The following COL1A2 variants were observed in gnomAD, a reference collection of about 807,000 sequenced individuals.
COL1A2 encodes the protein collagen type I alpha 2 chain.
In COL1A2, 49 loss-of-function variants were observed where a neutral mutation model predicts 174.3. The ratio of observed to expected loss-of-function variants is 0.28; its 90% confidence interval spans 0.22 to 0.36. The LOEUF (loss-of-function observed/expected upper bound fraction) is 0.36. Among genes scored for constraint, COL1A2 ranks in the 10% least tolerant of loss-of-function variants. COL1A2 has a pLI of 1.00. For missense variants in COL1A2, 1,438 were observed against 1,822.7 expected, an observed-to-expected ratio of 0.79 and a Z score of 3.84; for synonymous variants, 655 against 606.6, an observed-to-expected ratio of 1.08 and a Z score of -1.17.
At position 94,428,297 on chromosome 7, in the gene COL1A2, C is replaced by T. The variant is rs1240152209; in HGVS notation, c.3531C>T (p.Tyr1177=). 20 of 1,612,230 alleles carry T rather than the reference C, an allele frequency of 1.2e-5. No homozygotes were observed. The Admixed American group carries it at 3.2e-4, about 26-fold the overall frequency. ...RLSHPEWSSG[Y]YWIDPNQGCT... ...TGAATGTTATTTTCTTAAAAGGTTACTACTGGATTGACCCTAACCAAGGAT... is the reference window on the plus strand; with the variant it reads ...TGAATGTTATTTTCTTAAAAGGTTATTACTGGATTGACCCTAACCAAGGAT... The change falls in exon 50 of 52, where the codon TAC becomes TAT. Residue 1177 remains tyrosine, a synonymous_variant. Transcript: ENST00000297268.
chr7:94,408,665 TA>T, intron 15 of COL1A2, 104 bp from the exon 16 acceptor site: 1 of 1,238,632 alleles, frequency 8.1e-7, no homozygotes, highest in African/African-American at 1.5e-5. Context: ...TTTACTAATA[TA>T]AACAGTGTCA....
rs1801182 is a variant in COL1A2 at position 94,398,387 on chromosome 7, T to C, written c.87T>C (p.Thr29=). 37,434 of 941,242 alleles carry C rather than the reference T, an allele frequency of 0.04. 4,186 individuals are homozygous for C. The highest frequency in any genetic ancestry group is 0.31 in the African/African-American group (17,615 of 56,416). 58.3% of individuals were successfully genotyped at this position (941,242 alleles called of 1,614,324 possible). ...LATCQSLQEE[T]VRKGPAGDRG... The stretch of plus-strand genomic sequence containing the variant: ...TTTGATTTATTCTTTTCTAGGAAAC[T>C]GTAAGAAAGGTAAGAGTACACTACT... Residue 29 remains threonine (T), a synonymous_variant, in exon 3 of 52, where the codon ACT becomes ACC. Coordinates refer to ENST00000297268, the MANE Select transcript of COL1A2 (RefSeq NM_000089.4).
rs41316908 is a variant in COL1A2 at position 94,405,529 on chromosome 7, A to G, written c.487-144A>G. 2,471 of 828,874 alleles carry G rather than the reference A, an allele frequency of 3.0e-3. 43 individuals carry two copies. The African/African-American group carries it at 0.035, about 12-fold the overall frequency. 51.3% of individuals were successfully genotyped at this position (828,874 alleles called of 1,614,324 possible). A position where few individuals can be genotyped will look rare whatever the true frequency, so the allele number is the denominator to read the frequency against. On this transcript the variant is annotated intron_variant, in intron 10 of 51. Transcript: ENST00000297268. Reference sequence around the variant, plus strand: ...TAGTTACTCACATTAGAGCAAGTTAATTTGTCACTCTGTGCTTAGAGGTAT... The same window carrying G: ...TAGTTACTCACATTAGAGCAAGTTAGTTTGTCACTCTGTGCTTAGAGGTAT...
At position 94,416,407 on chromosome 7, in the gene COL1A2, G is replaced by A. The variant is rs1169383829; in HGVS notation, c.1767G>A (p.Gly589=). The change falls in exon 31 of 52, where the codon GGG becomes GGA. Residue 589 remains glycine, a splice_region_variant and synonymous_variant. Coordinates refer to ENST00000297268, the MANE Select transcript of COL1A2 (RefSeq NM_000089.4). ...CTTCTTCTAATCACTTTTTTCAGGG[G>A]GAACGCGGTCCCCCAGGTGAGAGTG... ...FGLPGPAGPR[G]ERGPPGESGA... 3 of 1,569,886 alleles carry A rather than the reference G, an allele frequency of 1.9e-6. No individual in the cohort carries two copies. Among genetic ancestry groups the A allele is most frequent in the East Asian group, 2.4e-5 (1 of 42,512 alleles).
intron 4 of COL1A2, 151 bp from the exon 5 acceptor site, chr7:94,400,045 T>C (rs1791657622): frequency 1.2e-6 from 1 of 802,030 alleles, no homozygotes; most frequent in African/African-American, 1.7e-5. Context: ...AATAGACTCA[T>C]AAGTGAATTT....
intron 31 of COL1A2, 151 bp downstream of exon 31, chr7:94,416,654 A>G (rs1199876612): frequency 6.1e-6 from 4 of 655,954 alleles, no homozygotes; most frequent in Non-Finnish European, 1.1e-5. Context: ...ATCCGATTCC[A>G]GTGGACCTGA....
At position 94,397,620 on chromosome 7, in the gene COL1A2, A is replaced by G. The variant is rs1791608894; in HGVS notation, c.71-128A>G. The stretch of plus-strand genomic sequence containing the variant: ...CTAGGTCATTAAAATATTCTTAAAA[A>G]AATATAATTGGTCCTTAATTAGGTA... On this transcript the variant is annotated intron_variant, in intron 1 of 51. Transcript: ENST00000297268. 16 of 563,934 alleles carry G rather than the reference A, an allele frequency of 2.8e-5. No homozygotes were observed. The South Asian group carries it at 3.5e-4, about 12-fold the overall frequency. 34.9% of individuals were successfully genotyped at this position (563,934 alleles called of 1,614,324 possible).
chr7:94,420,215 T>G lies in COL1A2; in HGVS notation c.2080-18T>G. Reference sequence around the variant, plus strand: ...TATGTCAGGCACATTAACAGATTCATCTTTGGTCCCATTATAGGGCGAAGC... The same window carrying G: ...TATGTCAGGCACATTAACAGATTCAGCTTTGGTCCCATTATAGGGCGAAGC... On this transcript the variant is annotated intron_variant, in intron 34 of 51. Transcript: ENST00000297268. 2.5e-6 allele frequency: 4 copies of G among 1,613,002 alleles called. No individual in the cohort carries two copies. Among genetic ancestry groups the G allele is most frequent in the Non-Finnish European group, 3.4e-6 (4 of 1,180,028 alleles).
rs765030949 is a variant in COL1A2, at chr7:94,398,367, T to C, written c.82-15T>C. The C allele has an allele frequency of 1.1e-6, 1 of 895,276 alleles. No homozygotes were observed. The highest frequency in any genetic ancestry group is 1.6e-6 in the Non-Finnish European group (1 of 610,080). 55.5% of individuals were successfully genotyped at this position (895,276 alleles called of 1,614,324 possible). ...CAATTTTCTTCATAATAATCTTTGATTTATTCTTTTCTAGGAAACTGTAAG... is the reference window on the plus strand; with the variant it reads ...CAATTTTCTTCATAATAATCTTTGACTTATTCTTTTCTAGGAAACTGTAAG... On this transcript the variant is annotated splice_polypyrimidine_tract_variant and intron_variant, in intron 2 of 51. Coordinates refer to ENST00000297268, the MANE Select transcript of COL1A2 (RefSeq NM_000089.4).
intron 1 of COL1A2, chr7:94,395,733 G>A (rs566189372): frequency 1.2e-4 from 19 of 158,692 alleles, no homozygotes; most frequent in African/African-American, 4.6e-4. Context: ...AGCATTTCTG[G>A]TTGGAGCCTT....
At chr7:94,426,555 A>G in intron 46 of COL1A2, 25 bp downstream of exon 46, 2 of 1,548,364 alleles carry the variant, frequency 1.3e-6, no homozygotes, top group Non-Finnish European at 8.8e-7. Context: ...GCCATCTCGC[A>G]CATAAACTGA....
chr7:94,428,583 A>C (rs1792335638), intron 50 of COL1A2, 106 bp downstream of exon 50: 1 of 1,103,166 alleles, frequency 9.1e-7, no homozygotes, highest in Admixed American at 2.0e-5. Flanking sequence ...CTTATTAAAA[A>C]AAGACCTGTT....
intron 42 of COL1A2, 57 bp downstream of exon 42, chr7:94,425,281 C>CT: frequency 6.7e-7 from 1 of 1,495,834 alleles, no homozygotes; most frequent in Admixed American, 1.7e-5. Context: ...TTGTGTGAAA[C>CT]TTTATGTCCT....
chr7:94,423,302 G>A, intron 40 of COL1A2, 184 bp downstream of exon 40: 1 of 675,396 alleles, frequency 1.5e-6, no homozygotes, highest in East Asian at 2.8e-5. Context: ...TGCTCAGAAA[G>A]CACAAAATCG....
intron 33 of COL1A2, among the ~76,000 whole-genome samples, chr7:94,418,790 C>T (rs1314335929): frequency 6.6e-6 from 1 of 151,804 alleles, no homozygotes; most frequent in Non-Finnish European, 1.5e-5. Context: ...TCCCTAGTGT[C>T]AATGATACCA....
intron 42 of COL1A2, 69 bp from the exon 43 acceptor site, chr7:94,425,541 G>A: frequency 6.7e-7 from 1 of 1,488,190 alleles, no homozygotes. Context: ...AGACAGAGTA[G>A]CTACAACATA....
At chr7:94,406,359 C>T (rs1450523004) in intron 12 of COL1A2, 56 bp downstream of exon 12, 1 of 1,540,048 alleles carries the variant, frequency 6.5e-7, no homozygotes, top group East Asian at 2.2e-5. Flanking sequence ...TTCCCCATGA[C>T]CTCCAAAAAA....
At chr7:94,400,430 T>A in intron 5 of COL1A2, 142 bp downstream of exon 5, 1 of 819,286 alleles carries the variant, frequency 1.2e-6, no homozygotes, top group Non-Finnish European at 2.0e-6. Context: ...GTTTTTTCAC[T>A]CAAGATTCTG....
In COL1A2 at chr7:94,413,091, T is replaced by C. The variant is rs780715133; in HGVS notation, c.1512T>C (p.Pro504=). 19 of 1,614,084 alleles carry C rather than the reference T, an allele frequency of 1.2e-5. No individual in the cohort carries two copies. The highest frequency in any genetic ancestry group is 1.6e-5 in the Non-Finnish European group (19 of 1,180,030). Residue 504 remains proline, a synonymous_variant, in exon 26 of 52, where the codon CCT becomes CCC. Coordinates refer to ENST00000297268, the MANE Select transcript of COL1A2 (RefSeq NM_000089.4). ...TTTCATTTTTACTCTAGGGTGATCC[T>C]GGCAAAAACGGTGATAAAGGTCATG... The part of the protein sequence containing the change: ...FPGPKGPTGD[P]GKNGDKGHAG...
Sources: allele counts gnomAD v4.1 joint callset (sites outside exome capture counted in the v4.1 genomes callset), GRCh38; gene constraint gnomAD v4.1.1; transcripts MANE v1.5; gene names NCBI Gene and HGNC (gene_info 2026-07-23, HGNC 2026-07-21).